Variants in DYSF observed in about 807,000 individuals in gnomAD.
DYSF encodes the protein dysferlin.
DYSF carries 212 observed loss-of-function variants against 274.9 expected under a neutral mutation model. The observed-to-expected ratio is 0.77, with a 90% CI of 0.69 to 0.86. The LOEUF is 0.86. Ranked by LOEUF, DYSF falls within the 40% of genes least tolerant of loss-of-function variation. The pLI is 0.00. For synonymous variants in DYSF, 1,091 were observed against 1,078.7 expected, an observed-to-expected ratio of 1.01 and a Z score of -0.22; for missense variants, 2,666 against 2,783.2, an observed-to-expected ratio of 0.96 and a Z score of 0.95.
rs2152875131 is a variant in DYSF at position 71,611,446 on chromosome 2, C to T, written c.4060-19C>T. On this transcript the variant is annotated intron_variant, in intron 37 of 55. Coordinates refer to ENST00000410020, the MANE Select transcript of DYSF (RefSeq NM_001130987.2). ...GGCCCGGGGCCTTCTGAGCCACTCT[C>T]CTCATTCTGTGTGCTTAGATCCTGG... 6.2e-7 allele frequency: 1 copy of T among 1,614,146 alleles called. No individual in the cohort carries two copies.
intron 3 of DYSF, among the ~76,000 whole-genome samples, chr2:71,491,851 G>C (rs1456773746): frequency 6.6e-6 from 1 of 152,026 alleles, no homozygotes; most frequent in Admixed American, 6.6e-5. Context: ...CTTTACTATT[G>C]TGAATAGTGC....
intron 52 of DYSF, 62 bp downstream of exon 52, chr2:71,674,358 T>G: frequency 6.7e-7 from 1 of 1,503,654 alleles, no homozygotes; most frequent in Non-Finnish European, 9.3e-7. Context: ...CCACACTGTG[T>G]GTTTATGCCA....
At chr2:71,607,330 T>C (rs964299126) in intron 36 of DYSF, among the ~76,000 whole-genome samples, 1 of 152,246 alleles carries the variant, frequency 6.6e-6, no homozygotes, top group Middle Eastern at 3.4e-3. Context: ...GTTGCGTGTG[T>C]CCCAGGAGGT....
chr2:71,511,319 G>A (rs538420660), intron 4 of DYSF, among the ~76,000 whole-genome samples: 12 of 152,356 alleles, frequency 7.9e-5, no homozygotes, highest in African/African-American at 2.9e-4. Context: ...GCAAAGCTGA[G>A]TTGTCCCTGG....
intron 3 of DYSF, among the ~76,000 whole-genome samples, chr2:71,489,925 A>G (rs2152694426): frequency 6.6e-6 from 1 of 152,294 alleles, no homozygotes; most frequent in East Asian, 1.9e-4. Flanking sequence ...AGCAGTCCCT[A>G]TGTTGCCAGG....
At chr2:71,461,878 A>G (rs1183768457), upstream of DYSF, among the ~76,000 whole-genome samples, 3 of 152,216 alleles carry the variant, frequency 2.0e-5, no homozygotes, top group Admixed American at 1.3e-4. Flanking sequence ...TGCCTCCTGG[A>G]CACCCCATGT....
At chr2:71,531,764 T>C (rs1022024844) in intron 14 of DYSF, among the ~76,000 whole-genome samples, 5 of 152,168 alleles carry the variant, frequency 3.3e-5, no homozygotes, top group Non-Finnish European at 7.3e-5. Flanking sequence ...ATGTGTTTTA[T>C]GGAGGAAGTG....
At chr2:71,670,452 C>T (rs2095099899) in intron 51 of DYSF, among the ~76,000 whole-genome samples, 1 of 152,222 alleles carries the variant, frequency 6.6e-6, no homozygotes, top group South Asian at 2.1e-4. Flanking sequence ...AAGTCTTTCT[C>T]ATATCCCATT....
At chr2:71,588,048 G>T (rs879499141) in intron 30 of DYSF, among the ~76,000 whole-genome samples, 4 of 152,190 alleles carry the variant, frequency 2.6e-5, no homozygotes, top group Non-Finnish European at 4.4e-5. Context: ...ATCTGAAGAC[G>T]GGGAGGCCTG....
At chr2:71,552,631 C>T (rs928892628) in intron 19 of DYSF, among the ~76,000 whole-genome samples, 7 of 152,178 alleles carry the variant, frequency 4.6e-5, no homozygotes, top group African/African-American at 1.4e-4. Flanking sequence ...TCTGGTCAGG[C>T]GCCTGGTGGC....
intron 12 of DYSF, among the ~76,000 whole-genome samples, chr2:71,521,345 T>C (rs1384196145): frequency 1.3e-5 from 2 of 152,210 alleles, no homozygotes; most frequent in Admixed American, 6.5e-5. Context: ...TCTGCATCTT[T>C]CTATGTTTGA....
intron 41 of DYSF, among the ~76,000 whole-genome samples, chr2:71,641,890 C>T (rs1400456017): frequency 6.6e-6 from 1 of 152,166 alleles, no homozygotes; most frequent in East Asian, 1.9e-4. Flanking sequence ...TGGGACTTTA[C>T]TGAGATTTGC....
intron 1 of DYSF, among the ~76,000 whole-genome samples, chr2:71,478,744 C>A (rs1004750730): frequency 1.3e-5 from 2 of 152,126 alleles, no homozygotes; most frequent in Non-Finnish European, 2.9e-5. Flanking sequence ...CAAATATTTA[C>A]AAGATAATTC....
chr2:71,665,425 T>C (rs1343949081), intron 47 of DYSF, 121 bp downstream of exon 47: 5 of 1,324,128 alleles, frequency 3.8e-6, no homozygotes, highest in East Asian at 4.7e-5. Context: ...AGGCTGTGGG[T>C]CTCTCCAGGG....
At chr2:71,494,788 T>C (rs961785980) in intron 3 of DYSF, among the ~76,000 whole-genome samples, 3 of 152,176 alleles carry the variant, frequency 2.0e-5, no homozygotes, top group Non-Finnish European at 4.4e-5. Flanking sequence ...TGATAGACAG[T>C]GTTGGAGTGA....
chr2:71,464,151 C>T (rs935296386), upstream of DYSF, among the ~76,000 whole-genome samples: 1 of 152,208 alleles, frequency 6.6e-6, no homozygotes, highest in Non-Finnish European at 1.5e-5. Context: ...TACCCCTTGA[C>T]TGGAAGCTCC....
At chr2:71,659,294 A>G (rs973828856) in intron 44 of DYSF, among the ~76,000 whole-genome samples, 3 of 152,224 alleles carry the variant, frequency 2.0e-5, no homozygotes, top group African/African-American at 7.2e-5. Flanking sequence ...GATAGATGAG[A>G]TTTTGATAGG....
intron 45 of DYSF, 22 bp downstream of exon 45, chr2:71,660,673 C>A: frequency 6.2e-7 from 1 of 1,605,072 alleles, no homozygotes; most frequent in Non-Finnish European, 8.5e-7. Context: ...CATCTTGGGT[C>A]TTGGGGTGGA....
chr2:71,624,011 G>A lies in DYSF; in HGVS notation c.4527+3402G>A, dbSNP rs150214390. ...TTGAGCCCCAGAGGACGAGGTTGCGGTGAGCCGTGATAGCATCACTGCACT... is the reference window on the plus strand; with the variant it reads ...TTGAGCCCCAGAGGACGAGGTTGCGATGAGCCGTGATAGCATCACTGCACT... On this transcript the variant is annotated intron_variant, in intron 41 of 55. Coordinates refer to ENST00000410020, the MANE Select transcript of DYSF (RefSeq NM_001130987.2). Among the ~76,000 whole-genome samples the A allele has an allele frequency of 3.0e-3, 455 of 152,310 alleles. 2 individuals are homozygous for A. Among genetic ancestry groups the A allele is most frequent in the African/African-American group, 0.011 (441 of 41,574 alleles).
Sources: gnomAD v4.1 joint callset for allele counts (sites outside exome capture counted in the v4.1 genomes callset) on GRCh38, gnomAD v4.1.1 for gene constraint, MANE v1.5 for transcripts, NCBI Gene and HGNC (gene_info 2026-07-23, HGNC 2026-07-21) for gene names.